The following SPEG variants were observed in gnomAD, a reference collection of about 807,000 sequenced individuals.
SPEG encodes the protein striated muscle enriched protein kinase, also known as striated muscle preferentially expressed protein kinase.
In SPEG, 114 loss-of-function variants were observed where a neutral mutation model predicts 300.4. The ratio of observed to expected loss-of-function variants is 0.38; its 90% CI spans 0.33 to 0.44. SPEG has a LOEUF of 0.44. Among genes scored for constraint, SPEG ranks in the 20% least tolerant of loss-of-function variants. The pLI is 1.00. For missense variants in SPEG, 4,201 were observed against 4,586.2 expected, an observed-to-expected ratio of 0.92 and a Z score of 2.43; for synonymous variants, 1,964 against 2,018.9, an observed-to-expected ratio of 0.97 and a Z score of 0.73.
intron 1 of SPEG, chr2:219,442,107 C>T (rs1688962869): frequency 8.4e-7 from 1 of 1,185,558 alleles, no homozygotes; most frequent in Non-Finnish European, 1.1e-6. Flanking sequence ...GGGCGGGCGG[C>T]GCCGGGAGGG....
At chr2:219,442,183 G>T in intron 1 of SPEG, 1 of 768,478 alleles carries the variant, frequency 1.3e-6, no homozygotes, top group Non-Finnish European at 1.7e-6. Flanking sequence ...TGGAGGGGGC[G>T]CTGGATCGGC....
chr2:219,469,368 G>A lies in SPEG; in HGVS notation c.3704G>A (p.Arg1235His), dbSNP rs769359524. 3.1e-6 allele frequency: 5 copies of A among 1,613,088 alleles called. No individual in the cohort carries two copies. Among genetic ancestry groups the A allele is most frequent in the African/African-American group, 1.3e-5 (1 of 74,904 alleles). Reference protein sequence around the residue: ...GHRIQSSDDRRMTQYRDVHRL... With the variant: ...GHRIQSSDDRHMTQYRDVHRL... ...CGCATCCAGAGCAGCGACGACCGGC[G>A]CATGACACAGTGTACGTGTCTGGGA... Residue 1235 changes from arginine to histidine, a missense_variant, in exon 13 of 41, where the codon CGC becomes CAC. Transcript: ENST00000312358.
Position 219,481,368 on chromosome 2 carries a change from T to C in SPEG, c.5434T>C (p.Tyr1812His). 1 of 1,614,138 alleles carries C rather than the reference T, an allele frequency of 6.2e-7. No homozygotes were observed. The highest frequency in any genetic ancestry group is 8.5e-7 in the Non-Finnish European group (1 of 1,180,030). ...GACAACATTGATGAACATCCGAAAC[T>C]ACAACGTGGCCTTCGAGGAGACCAC... ...DRTTLMNIRN[Y>H]NVAFEETTFL... Residue 1812 changes from tyrosine (Y) to histidine (H), a missense_variant, in exon 27 of 41, where the codon TAC (tyrosine) becomes CAC (histidine). This residue lies in a region of SPEG where 1,047 missense variants were observed against 1,356.8 expected (regional missense o/e 0.77). Coordinates refer to ENST00000312358, the MANE Select transcript of SPEG (RefSeq NM_005876.5). The surrounding 1 kb of genome is among the most constrained non-coding windows in gnomAD (Gnocchi z 5.4).
intron 13 of SPEG, among the ~76,000 whole-genome samples, chr2:219,469,789 C>T (rs1421798653): frequency 6.6e-6 from 1 of 152,188 alleles, no homozygotes; most frequent in Non-Finnish European, 1.5e-5. Flanking sequence ...TCTCAGTATT[C>T]TTGTTTTAGT....
rs79502506 is a variant in SPEG, at chr2:219,489,713, C to T, written c.8695C>T (p.Pro2899Ser). Residue 2899 changes from proline to serine, a missense_variant, in exon 36 of 41, where the codon CCT (proline) becomes TCT (serine). Physicochemically the swap from Pro to Ser is moderately conservative, Grantham distance 74 (BLOSUM62 -1). Coordinates refer to ENST00000312358, the MANE Select transcript of SPEG (RefSeq NM_005876.5). The part of the protein sequence containing the change: ...QGVKPVSSST[P>S]VYVVTSFVSA... Reference sequence around the variant, plus strand: ...GGTTAAACCAGTGTCTTCCTCTACTCCTGTGTATGTGGTGACTTCCTTTGT... The same window carrying T: ...GGTTAAACCAGTGTCTTCCTCTACTTCTGTGTATGTGGTGACTTCCTTTGT... 1.7e-3 allele frequency: 2,755 copies of T among 1,614,086 alleles called. 44 individuals carry two copies. The African/African-American group carries it at 0.031, about 18-fold the overall frequency.
intron 6 of SPEG, among the ~76,000 whole-genome samples, chr2:219,457,827 T>G (rs980757713): frequency 1.3e-5 from 2 of 152,192 alleles, no homozygotes; most frequent in African/African-American, 2.4e-5. Context: ...CACACATGGC[T>G]TTTGCTTCAA....
Position 219,490,415 on chromosome 2 carries a change from C to T in SPEG, c.8928C>T (p.Arg2976=). ...CCCTCCCCCCGACACACAGGGGCCGCTTTGGTGTTGTGCGAGCGTGCCGGG... is the reference window on the plus strand; with the variant it reads ...CCCTCCCCCCGACACACAGGGGCCGTTTTGGTGTTGTGCGAGCGTGCCGGG... The part of the protein sequence containing the change: ...YTFLEEKARG[R]FGVVRACREN... The change falls in exon 37 of 41, where the codon CGC becomes CGT. Residue 2976 remains arginine (R), a synonymous_variant. Transcript: ENST00000312358. The T allele has an allele frequency of 1.2e-6, 2 of 1,610,944 alleles. No individual in the cohort carries two copies. The highest frequency in any genetic ancestry group is 1.1e-5 in the South Asian group (1 of 90,928).
In SPEG at chr2:219,435,145, G is replaced by A. The variant is rs1033570808; in HGVS notation, c.168G>A (p.Ala56=). The A allele has an allele frequency of 6.8e-7, 1 of 1,461,390 alleles. No individual in the cohort carries two copies. The highest frequency in any genetic ancestry group is 2.9e-5 in the East Asian group (1 of 34,270). 90.5% of individuals were successfully genotyped at this position (1,461,390 alleles called of 1,614,324 possible). Reference sequence around the variant, plus strand: ...CCCTGAAGAACGCGGCGGTGTGCGCGGGCAGCGACGTGCGGCTGCGGGTGG... The same window carrying A: ...CCCTGAAGAACGCGGCGGTGTGCGCAGGCAGCGACGTGCGGCTGCGGGTGG... ...LRPLKNAAVC[A]GSDVRLRVVV... The change falls in exon 1 of 41, where the codon GCG becomes GCA. Residue 56 remains alanine, a synonymous_variant. Coordinates refer to ENST00000312358, the MANE Select transcript of SPEG (RefSeq NM_005876.5).
At position 219,464,909 on chromosome 2, in the gene SPEG, C is replaced by T. The variant is rs1182610239; in HGVS notation, c.2881+301C>T. 2.7e-6 allele frequency: 1 copy of T among 366,718 alleles called. No individual in the cohort carries two copies. Among genetic ancestry groups the T allele is most frequent in the Admixed American group, 4.3e-5 (1 of 23,134 alleles). The allele number at this position is 366,718 out of a possible 1,614,324, so 22.7% of individuals were successfully genotyped here. On this transcript the variant is annotated intron_variant, in intron 9 of 40. Transcript: ENST00000312358. This position sits in a 1 kb window ranked among gnomAD's most constrained non-coding sequence, Gnocchi z 4.5. ...CCCTGCACCTGCCACTGGCCAAGCT[C>T]TCTCTACACTCTTCTGAGCCTTTGT...
intron 9 of SPEG, 105 bp from the exon 10 acceptor site, chr2:219,467,067 ATC>A (rs538036050): frequency 2.3e-5 from 31 of 1,351,210 alleles, no homozygotes; most frequent in South Asian, 5.8e-5. Context: ...AACAAAATGC[ATC>A]TCTCTCTCTG....
Position 219,477,724 on chromosome 2 carries a change from G to T in SPEG, c.4765G>T (p.Asp1589Tyr), listed in dbSNP as rs745885649. The T allele has an allele frequency of 1.9e-6, 3 of 1,607,326 alleles. No homozygotes were observed. The highest frequency in any genetic ancestry group is 2.2e-5 in the South Asian group (2 of 89,974). ...TATGGAGGTCGAGGGGGTCGGGGAG[G>T]ATGAGGACCATCGAGGAAGGAGACT... ...TAMEVEGVGE[D>Y]EDHRGRRLSD... The change falls in exon 21 of 41, where the codon GAT (aspartate) becomes TAT (tyrosine). Residue 1589 changes from aspartate (D) to tyrosine (Y), a missense_variant. This residue lies in a region of SPEG where 1,047 missense variants were observed against 1,356.8 expected (regional missense o/e 0.77). Transcript: ENST00000312358. The surrounding 1 kb of genome is among the most constrained non-coding windows in gnomAD (Gnocchi z 6.4).
chr2:219,465,867 G>A (rs1158220326), intron 9 of SPEG: 2 of 620,616 alleles, frequency 3.2e-6, no homozygotes, highest in Non-Finnish European at 2.9e-6. Flanking sequence ...GCATGTGTGT[G>A]CGTGTGTGCG....
chr2:219,487,310 A>G (rs1000245612), intron 31 of SPEG, among the ~76,000 whole-genome samples: 2 of 152,192 alleles, frequency 1.3e-5, no homozygotes, highest in African/African-American at 4.8e-5. Context: ...CTTTGCTGGA[A>G]CAGCCTTTCT....
At position 219,439,610 on chromosome 2, in the gene SPEG, G is replaced by C. The variant is rs1954805785; in HGVS notation, c.388+4245G>C. ...TCTGGGTTTGGGGGAGTGGCAGGGA[G>C]ACACAGCTGCCCAGCTATGGGAGAA... On this transcript the variant is annotated intron_variant, in intron 1 of 40. Transcript: ENST00000312358. The surrounding 1 kb of genome is among the most constrained non-coding windows in gnomAD (Gnocchi z 4.5). Among the ~76,000 whole-genome samples the C allele has an allele frequency of 6.6e-6, 1 of 152,090 alleles. No homozygotes were observed. Among genetic ancestry groups the C allele is most frequent in the South Asian group, 2.1e-4 (1 of 4,828 alleles).
chr2:219,453,784 T>C (rs1204437362), intron 6 of SPEG, among the ~76,000 whole-genome samples: 2 of 152,262 alleles, frequency 1.3e-5, no homozygotes, highest in Non-Finnish European at 2.9e-5. Flanking sequence ...TGGAGCAAGC[T>C]GACTTTCTTA....
chr2:219,455,303 C>T (rs1690088964), intron 6 of SPEG, among the ~76,000 whole-genome samples: 1 of 152,114 alleles, frequency 6.6e-6, no homozygotes, highest in Admixed American at 6.5e-5. Flanking sequence ...TGGCTGACAC[C>T]TGTAATCCCA....
chr2:219,472,745 T>TG, intron 15 of SPEG, 145 bp from the exon 16 acceptor site: 2 of 654,194 alleles, frequency 3.1e-6, no homozygotes, highest in Non-Finnish European at 2.6e-6. Context: ...CAAGAGCAGA[T>TG]GGGGGGACAG....
rs750584860 is a variant in SPEG at position 219,477,227 on chromosome 2, A to G, written c.4561-50A>G. 51 of 559,488 alleles carry G rather than the reference A, an allele frequency of 9.1e-5. 1 individual carries two copies. Among genetic ancestry groups the G allele is most frequent in the Non-Finnish European group, 1.3e-4 (48 of 379,802 alleles). 34.7% of individuals were successfully genotyped at this position (559,488 alleles called of 1,614,324 possible). On this transcript the variant is annotated intron_variant, in intron 19 of 40. Transcript: ENST00000312358. This position sits in a 1 kb window ranked among gnomAD's most constrained non-coding sequence, Gnocchi z 6.4. ...AGTAGGAGATGAGGCCCTGGCCCCA[A>G]GGTAGAGATGAGGCCAGGCCCAGGC...
intron 38 of SPEG, among the ~76,000 whole-genome samples, chr2:219,491,528 C>G (rs1693971715): frequency 1.3e-5 from 2 of 152,208 alleles, no homozygotes; most frequent in South Asian, 4.1e-4. Flanking sequence ...TCCAAGGGAG[C>G]TTGTCACCCT....
Sources: allele counts gnomAD v4.1 joint callset (sites outside exome capture counted in the v4.1 genomes callset), GRCh38; gene constraint gnomAD v4.1.1; regional missense constraint gnomAD v4.1.1; non-coding constraint Gnocchi (gnomAD v3.1); transcripts MANE v1.5; gene names NCBI Gene and HGNC (gene_info 2026-07-23, HGNC 2026-07-21).